The following LRMDA variants were observed in gnomAD, a reference collection of about 807,000 sequenced individuals.
LRMDA encodes the protein leucine-rich melanocyte differentiation-associated protein.
Under a neutral mutation model 29.8 loss-of-function variants are expected in LRMDA, and 18 were observed. The ratio of observed to expected loss-of-function variants is 0.60; its 90% CI spans 0.42 to 0.90. The LOEUF (loss-of-function observed/expected upper bound fraction) is 0.90, where lower values mean the gene tolerates loss of function less well. Among genes scored for constraint, LRMDA ranks in the 40% least tolerant of loss-of-function variants. The pLI is 0.00. For synonymous variants in LRMDA, 125 were observed against 109.4 expected (o/e 1.14, Z -0.89); for missense variants, 273 against 273.9 (o/e 1.00, Z 0.02).
At chr10:75,631,119 T>C (rs2132112889) in intron 2 of LRMDA, among the ~76,000 whole-genome samples, 1 of 152,284 alleles carries the variant, frequency 6.6e-6, no homozygotes, top group East Asian at 1.9e-4. Flanking sequence ...TGACTTCTTC[T>C]TAGGAAGGAA....
At chr10:75,654,609 C>T (rs1192641359) in intron 2 of LRMDA, among the ~76,000 whole-genome samples, 1 of 152,164 alleles carries the variant, frequency 6.6e-6, no homozygotes, top group Non-Finnish European at 1.5e-5. Context: ...TGAAGATTTG[C>T]CAGTTTGTTT....
chr10:76,239,539 T>G (rs1278388477), intron 5 of LRMDA, among the ~76,000 whole-genome samples: 1 of 152,006 alleles, frequency 6.6e-6, no homozygotes, highest in Admixed American at 6.6e-5. Flanking sequence ...ATCATCTCCC[T>G]CCCCTTCTCC....
intron 5 of LRMDA, among the ~76,000 whole-genome samples, chr10:76,280,848 A>G (rs960491015): frequency 1.2e-4 from 19 of 152,132 alleles, no homozygotes; most frequent in Admixed American, 9.2e-4. Context: ...TGCTGAGAAA[A>G]CTGTAAATAT....
At chr10:75,681,510 G>A (rs1842022681) in intron 2 of LRMDA, among the ~76,000 whole-genome samples, 1 of 152,158 alleles carries the variant, frequency 6.6e-6, no homozygotes, top group African/African-American at 2.4e-5. Context: ...ATGCCAGGCT[G>A]TGTGTTGGCT....
At chr10:76,410,571 A>C (rs2132507749) in intron 6 of LRMDA, among the ~76,000 whole-genome samples, 1 of 152,162 alleles carries the variant, frequency 6.6e-6, no homozygotes, top group African/African-American at 2.4e-5. Context: ...GGCTTCCCAA[A>C]GTGCTGGGAT....
intron 5 of LRMDA, among the ~76,000 whole-genome samples, chr10:76,215,791 A>G (rs2132251508): frequency 6.6e-6 from 1 of 152,320 alleles, no homozygotes; most frequent in Non-Finnish European, 1.5e-5. Flanking sequence ...ATAGATTGAT[A>G]AAATGTGGTG....
At chr10:76,387,331 G>T (rs1244974973) in intron 6 of LRMDA, among the ~76,000 whole-genome samples, 1 of 152,130 alleles carries the variant, frequency 6.6e-6, no homozygotes, top group Non-Finnish European at 1.5e-5. Context: ...AGCAGGCATA[G>T]TGGCTCATGC....
At chr10:76,208,450 T>A (rs2132242194) in intron 5 of LRMDA, among the ~76,000 whole-genome samples, 1 of 152,262 alleles carries the variant, frequency 6.6e-6, no homozygotes, top group East Asian at 1.9e-4. Context: ...GTGGGACTAA[T>A]CACAGGGCAG....
intron 2 of LRMDA, among the ~76,000 whole-genome samples, chr10:75,993,783 T>C (rs1481674934): frequency 6.6e-6 from 1 of 152,078 alleles, no homozygotes; most frequent in Non-Finnish European, 1.5e-5. Flanking sequence ...GGTCATATTA[T>C]TGGTACGTGG....
intron 2 of LRMDA, among the ~76,000 whole-genome samples, chr10:75,841,670 T>C (rs114100158): frequency 5.6e-4 from 86 of 152,332 alleles, no homozygotes; most frequent in African/African-American, 2.0e-3. Flanking sequence ...AAGCACCCTG[T>C]AGGTGATCAG....
chr10:76,296,873 T>G (rs1840417758), intron 5 of LRMDA, among the ~76,000 whole-genome samples: 1 of 152,246 alleles, frequency 6.6e-6, no homozygotes. Context: ...ATGCTTGATT[T>G]TAGTGCCTAG....
chr10:75,575,727 G>A (rs1036501310), intron 2 of LRMDA, among the ~76,000 whole-genome samples: 18 of 152,194 alleles, frequency 1.2e-4, no homozygotes, highest in African/African-American at 3.6e-4. Flanking sequence ...AGGGTGAGCC[G>A]AAGCAGGAGG....
intron 2 of LRMDA, among the ~76,000 whole-genome samples, chr10:75,459,020 G>C (rs1844554240): frequency 6.7e-6 from 1 of 148,294 alleles, no homozygotes; most frequent in African/African-American, 2.5e-5. Context: ...TTTCTTTTAA[G>C]GACTTGTTAG....
chr10:76,034,510 G>T (rs915798312), intron 2 of LRMDA, among the ~76,000 whole-genome samples: 13 of 152,140 alleles, frequency 8.5e-5, no homozygotes, highest in South Asian at 2.1e-4. Flanking sequence ...CCGAGGTCTG[G>T]CAGGAATGGA....
intron 6 of LRMDA, among the ~76,000 whole-genome samples, chr10:76,540,587 C>A (rs1843343227): frequency 6.6e-6 from 1 of 152,176 alleles, no homozygotes; most frequent in African/African-American, 2.4e-5. Context: ...ACAGCAGGGG[C>A]AGTTCCAGTT....
rs1840570437 is a variant in LRMDA, at chr10:75,580,283, A to T, written c.131+141789A>T. On this transcript the variant is annotated intron_variant, in intron 2 of 6. Transcript: ENST00000611255. ...ACATTCCTATACAGCAGTAACAGAC[A>T]AACAGAGAGCCAAATCATGAGTGAA... 5.9e-5 allele frequency among the ~76,000 whole-genome samples: 9 copies of T among 152,212 alleles called. 1 individual carries two copies. Among genetic ancestry groups the T allele is most frequent in the Admixed American group, 5.9e-4 (9 of 15,278 alleles).
At chr10:76,135,396 G>A (rs1424883525) in intron 5 of LRMDA, among the ~76,000 whole-genome samples, 1 of 152,186 alleles carries the variant, frequency 6.6e-6, no homozygotes, top group Non-Finnish European at 1.5e-5. Flanking sequence ...AATGAATGGA[G>A]TTTTACATTT....
At chr10:76,359,731 A>G (rs1345481698) in intron 6 of LRMDA, among the ~76,000 whole-genome samples, 1 of 152,228 alleles carries the variant, frequency 6.6e-6, no homozygotes, top group Non-Finnish European at 1.5e-5. Flanking sequence ...CAAAGGACAC[A>G]TGAATGAAAG....
chr10:75,528,273 G>A (rs928128681), intron 2 of LRMDA, among the ~76,000 whole-genome samples: 2 of 152,234 alleles, frequency 1.3e-5, no homozygotes, highest in African/African-American at 4.8e-5. Flanking sequence ...TCTCTCATTC[G>A]ACAACTTTGC....
Sources: gnomAD v4.1 joint callset for allele counts (sites outside exome capture counted in the v4.1 genomes callset) on GRCh38, gnomAD v4.1.1 for gene constraint, MANE v1.5 for transcripts, NCBI Gene and HGNC (gene_info 2026-07-23, HGNC 2026-07-21) for gene names.